CDK6: variants seen among roughly 807,000 people sequenced by gnomAD.
The protein encoded by CDK6 is cyclin-dependent kinase 6.
Under a neutral mutation model 37.1 loss-of-function variants are expected in CDK6, and 6 were observed. The ratio of observed to expected loss-of-function variants is 0.16; its 90% CI spans 0.09 to 0.32. The LOEUF is 0.32. Among genes scored for constraint, CDK6 ranks in the 10% least tolerant of loss-of-function variants. CDK6 has a pLI of 1.00. For missense variants in CDK6, 224 were observed against 418.9 expected (o/e 0.53, Z 4.06); for synonymous variants, 160 against 161.3 (o/e 0.99, Z 0.06).
intron 4 of CDK6, among the ~76,000 whole-genome samples, chr7:92,697,478 T>C (rs933448289): frequency 3.3e-5 from 5 of 152,186 alleles, no homozygotes; most frequent in African/African-American, 1.2e-4. Flanking sequence ...ACCCATATTT[T>C]AGGTAAGATA....
chr7:92,755,718 A>C (rs1799300343), intron 3 of CDK6, among the ~76,000 whole-genome samples: 1 of 152,186 alleles, frequency 6.6e-6, no homozygotes, highest in African/African-American at 2.4e-5. Flanking sequence ...TCCTCTTCCA[A>C]AGCCTCCTAA....
intron 5 of CDK6, among the ~76,000 whole-genome samples, chr7:92,650,162 T>C (rs1796540545): frequency 6.6e-6 from 1 of 152,194 alleles, no homozygotes; most frequent in African/African-American, 2.4e-5. Flanking sequence ...AAGGCCACTT[T>C]GTTAAAATGG....
At position 92,615,402 on chromosome 7, in the gene CDK6, A is replaced by G. The variant is rs112895603; in HGVS notation, c.835-116T>C. 72 of 777,664 alleles carry G rather than the reference A, an allele frequency of 9.3e-5. 1 individual carries two copies. In the African/African-American group the frequency reaches 1.1e-3, roughly 12 times the overall value. The allele number at this position is 777,664 out of a possible 1,614,324, so 48.2% of individuals were successfully genotyped here. On this transcript the variant is annotated intron_variant, in intron 7 of 7. Transcript: ENST00000424848. ...GTTAAGCGCATCTACAGTGGGAATG[A>G]GTATTTATTTAAAGGGACACTAAAT... is the stretch of plus-strand genomic sequence containing the variant.
chr7:92,686,043 A>G (rs530279167), intron 4 of CDK6, among the ~76,000 whole-genome samples: 6 of 152,360 alleles, frequency 3.9e-5, no homozygotes, highest in South Asian at 2.1e-4. Flanking sequence ...AATAAAGCCA[A>G]CTGAGATCTT....
Position 92,772,479 on chromosome 7 carries a change from C to T in CDK6, c.369+2217G>A, listed in dbSNP as rs529282627. Among the ~76,000 whole-genome samples, 3 of 151,884 alleles carry T rather than the reference C, an allele frequency of 2.0e-5. No individual in the cohort carries two copies. The South Asian group carries it at 6.2e-4, about 32-fold the overall frequency. ...AATTTAACAGCCTCCAGGACAATCC[C>T]TGTTCAACACGGAATGAAGTGACAT... On this transcript the variant is annotated intron_variant, in intron 3 of 7. Coordinates refer to ENST00000424848, the MANE Select transcript of CDK6 (RefSeq NM_001145306.2).
At chr7:92,642,547 GT>G (rs1796335341) in intron 5 of CDK6, among the ~76,000 whole-genome samples, 1 of 152,056 alleles carries the variant, frequency 6.6e-6, no homozygotes, top group African/African-American at 2.4e-5. Context: ...CCTTTATCCT[GT>G]TCTAGAAAAG....
At position 92,606,173 on chromosome 7, in the gene CDK6, C is replaced by G. The variant is rs1468370786; in HGVS notation, c.*8967G>C. The stretch of plus-strand genomic sequence containing the variant: ...CTGTAGATGGAGAGAAAACAGCAGC[C>G]TGGAATGTGGTTTATATTCTTGATT... On this transcript the variant is annotated 3_prime_UTR_variant, in exon 8 of 8. Coordinates refer to ENST00000424848, the MANE Select transcript of CDK6 (RefSeq NM_001145306.2). The G allele has an allele frequency of 8.6e-6, 2 of 233,458 alleles. No individual in the cohort carries two copies. 14.5% of individuals were successfully genotyped at this position (233,458 alleles called of 1,614,324 possible).
At chr7:92,655,572 T>C (rs1796676561) in intron 5 of CDK6, among the ~76,000 whole-genome samples, 1 of 152,220 alleles carries the variant, frequency 6.6e-6, no homozygotes. Flanking sequence ...CATGTCAAAT[T>C]ATTACAATTA....
At chr7:92,815,968 A>G (rs1450037886) in intron 2 of CDK6, among the ~76,000 whole-genome samples, 1 of 152,182 alleles carries the variant, frequency 6.6e-6, no homozygotes. Context: ...GTAGGGCTAA[A>G]CTAGCCTGGA....
At chr7:92,698,402 G>A (rs1370932879) in intron 4 of CDK6, among the ~76,000 whole-genome samples, 6 of 152,120 alleles carry the variant, frequency 3.9e-5, no homozygotes, top group East Asian at 3.8e-4. Flanking sequence ...TCCGCACATC[G>A]TTAGCTGGAA....
Position 92,606,308 on chromosome 7 carries a change from G to A in CDK6, c.*8832C>T. ...GAGGCATTTCTAATGGGTGCCATGAGCACAGTCTGTGCCCAGCATCAGGAA... is the reference window on the plus strand; with the variant it reads ...GAGGCATTTCTAATGGGTGCCATGAACACAGTCTGTGCCCAGCATCAGGAA... On this transcript the variant is annotated 3_prime_UTR_variant, in exon 8 of 8. Transcript: ENST00000424848. 4.3e-6 allele frequency: 1 copy of A among 233,324 alleles called. No individual in the cohort carries two copies. Among genetic ancestry groups the A allele is most frequent in the Non-Finnish European group, 8.5e-6 (1 of 117,984 alleles). The allele number at this position is 233,324 out of a possible 1,614,324, so 14.5% of individuals were successfully genotyped here.
chr7:92,723,705 C>T (rs1282509680), intron 4 of CDK6, among the ~76,000 whole-genome samples: 11 of 152,044 alleles, frequency 7.2e-5, no homozygotes. Context: ...GAATCCTTCT[C>T]AGCTGCTAAC....
At chr7:92,814,676 T>C (rs918444414) in intron 2 of CDK6, among the ~76,000 whole-genome samples, 4 of 151,470 alleles carry the variant, frequency 2.6e-5, no homozygotes, top group African/African-American at 7.3e-5. Context: ...TCTTTCTCAG[T>C]AAAAGAAATA....
At chr7:92,675,941 ATGT>A (rs1258589480) in intron 4 of CDK6, among the ~76,000 whole-genome samples, 1 of 151,882 alleles carries the variant, frequency 6.6e-6, no homozygotes, top group East Asian at 1.9e-4. Flanking sequence ...CTTTTTCTTA[ATGT>A]TGTAAATTTT....
At chr7:92,736,514 C>A (rs1562951230) in intron 3 of CDK6, among the ~76,000 whole-genome samples, 1 of 152,148 alleles carries the variant, frequency 6.6e-6, no homozygotes, top group Non-Finnish European at 1.5e-5. Flanking sequence ...CTAAGCCAAT[C>A]TGGGAGGAAG....
rs570708190 is a variant in CDK6 at position 92,833,784 on chromosome 7, A to T, written c.-367-94T>A. On this transcript the variant is annotated intron_variant, in intron 1 of 7. Coordinates refer to ENST00000424848, the MANE Select transcript of CDK6 (RefSeq NM_001145306.2). The surrounding 1 kb of genome is among the most constrained non-coding windows in gnomAD (Gnocchi z 6.1). ...CTCCAGACTCCCCTCCTCCTCCTTTACGAAGCCTCCATCGCTACCCTCCGC... is the reference window on the plus strand; with the variant it reads ...CTCCAGACTCCCCTCCTCCTCCTTTTCGAAGCCTCCATCGCTACCCTCCGC... The T allele has an allele frequency of 1.2e-4, 49 of 405,696 alleles. No homozygotes were observed. Among genetic ancestry groups the T allele is most frequent in the African/African-American group, 7.4e-4 (36 of 48,766 alleles). The allele number at this position is 405,696 out of a possible 1,614,324, so 25.1% of individuals were successfully genotyped here.
chr7:92,641,217 C>T (rs964274661), intron 5 of CDK6, among the ~76,000 whole-genome samples: 1 of 152,024 alleles, frequency 6.6e-6, no homozygotes, highest in African/African-American at 2.4e-5. Flanking sequence ...CTACGTAAAT[C>T]TCTTGATGAA....
At chr7:92,631,616 A>T (rs1796055195) in intron 5 of CDK6, among the ~76,000 whole-genome samples, 1 of 152,142 alleles carries the variant, frequency 6.6e-6, no homozygotes, top group Non-Finnish European at 1.5e-5. Flanking sequence ...GGGAAAGAGC[A>T]TTGCCTATGG....
chr7:92,761,071 T>G (rs1799444436), intron 3 of CDK6, among the ~76,000 whole-genome samples: 1 of 152,086 alleles, frequency 6.6e-6, no homozygotes, highest in Non-Finnish European at 1.5e-5. Context: ...TTTTTATATA[T>G]TAAGGATATT....
Sources: gnomAD v4.1 joint callset for allele counts (sites outside exome capture counted in the v4.1 genomes callset) on GRCh38, gnomAD v4.1.1 for gene constraint, Gnocchi (gnomAD v3.1) non-coding constraint, MANE v1.5 for transcripts, NCBI Gene and HGNC (gene_info 2026-07-23, HGNC 2026-07-21) for gene names.